Variants in MAGED1 observed in about 807,000 individuals in gnomAD.
The protein encoded by MAGED1 is melanoma-associated antigen D1.
MAGED1 carries 3 observed loss-of-function variants against 54.1 expected under a neutral mutation model. The ratio of observed to expected loss-of-function variants is 0.06; its 90% confidence interval spans 0.03 to 0.14. The LOEUF is 0.14. Among genes scored for constraint, MAGED1 ranks in the 10% least tolerant of loss-of-function variants. MAGED1 has a pLI of 1.00. For synonymous variants in MAGED1, 217 were observed against 227.3 expected, an observed-to-expected ratio of 0.95 and a Z score of 0.41; for missense variants, 485 against 623.4, an observed-to-expected ratio of 0.78 and a Z score of 2.36.
intron 1 of MAGED1, among the ~76,000 whole-genome samples, chrX:51,873,234 A>G (rs1217966729): frequency 1.8e-5 from 2 of 109,624 alleles, no homozygotes; most frequent in Non-Finnish European, 3.8e-5. Flanking sequence ...ATCAGATCTC[A>G]TGAGCACTCA....
chrX:51,831,374 G>A (rs1926059916), intron 1 of MAGED1, among the ~76,000 whole-genome samples: 1 of 111,949 alleles, frequency 8.9e-6, no homozygotes, highest in East Asian at 2.8e-4. Flanking sequence ...CACTTGGGGA[G>A]GCCAAGGCAG....
At position 51,896,701 on chromosome X, in the gene MAGED1, T is replaced by C; in HGVS notation, c.1046T>C (p.Ile349Thr). ...QNPVIWPNPV[I>T]WQNPVIWPNP... ...CCAGTGATTTGGCCAAACCCAGTAA[T>C]CTGGCAGAACCCAGTGATCTGGCCA... Residue 349 changes from isoleucine (I) to threonine (T), a missense_variant, in exon 4 of 13, where the codon ATC becomes ACC. Coordinates refer to ENST00000326587, the MANE Select transcript of MAGED1 (RefSeq NM_006986.4). 3 of 1,211,550 alleles carry C rather than the reference T, an allele frequency of 2.5e-6. No homozygotes were observed. Among genetic ancestry groups the C allele is most frequent in the Non-Finnish European group, 3.4e-6 (3 of 895,437 alleles).
chrX:51,838,045 G>T (rs1255016784), intron 1 of MAGED1, among the ~76,000 whole-genome samples: 1 of 112,323 alleles, frequency 8.9e-6, no homozygotes, highest in Non-Finnish European at 1.9e-5. Context: ...AGCCCTCTTA[G>T]CAGGTTGGTT....
At chrX:51,888,877 CAT>C (rs1928333282), upstream of MAGED1, among the ~76,000 whole-genome samples, 1 of 112,109 alleles carries the variant, frequency 8.9e-6, no homozygotes, top group Non-Finnish European at 1.9e-5. Flanking sequence ...CAAAATGTGA[CAT>C]ATTGTATGAT....
intron 1 of MAGED1, among the ~76,000 whole-genome samples, chrX:51,845,091 G>A (rs1028641380): frequency 1.8e-5 from 2 of 110,889 alleles, no homozygotes; most frequent in Admixed American, 1.9e-4. Flanking sequence ...AATTAGTTGG[G>A]CATGGTGGTG....
intron 1 of MAGED1, among the ~76,000 whole-genome samples, chrX:51,803,627 C>CTTTTT (rs1179676499): frequency 1.7e-5 from 1 of 60,464 alleles, no homozygotes; most frequent in Non-Finnish European, 3.1e-5. Context: ...AAGGTCAAGG[C>CTTTTT]TTTTTTTTTT....
intron 1 of MAGED1, among the ~76,000 whole-genome samples, chrX:51,830,695 A>G (rs1557357372): frequency 9.0e-6 from 1 of 110,982 alleles, no homozygotes; most frequent in Non-Finnish European, 1.9e-5. Flanking sequence ...GTACAGGTGT[A>G]AGGAGAGATG....
At chrX:51,828,461 T>G (rs1925938589) in intron 1 of MAGED1, among the ~76,000 whole-genome samples, 1 of 107,201 alleles carries the variant, frequency 9.3e-6, no homozygotes. Flanking sequence ...TGACATGTTG[T>G]TTTTTTTTTG....
intron 1 of MAGED1, among the ~76,000 whole-genome samples, chrX:51,838,565 A>T (rs1289663384): frequency 8.9e-6 from 1 of 112,604 alleles, no homozygotes; most frequent in African/African-American, 3.2e-5. Context: ...AAATTTTTTC[A>T]TAAAATCCAG....
intron 1 of MAGED1, among the ~76,000 whole-genome samples, chrX:51,836,425 T>C (rs1926251263): frequency 9.0e-6 from 1 of 111,242 alleles, no homozygotes; most frequent in Non-Finnish European, 1.9e-5. Context: ...TGGTGCTCAG[T>C]CTACGGAAAA....
chrX:51,897,943 A>C, intron 7 of MAGED1, 57 bp downstream of exon 7: 1 of 981,547 alleles, frequency 1.0e-6, no homozygotes, highest in Non-Finnish European at 1.4e-6. Context: ...TTTTTCTAGG[A>C]GTTTCACGTA....
At chrX:51,867,014 G>A (rs1927480157) in intron 1 of MAGED1, among the ~76,000 whole-genome samples, 1 of 111,792 alleles carries the variant, frequency 8.9e-6, no homozygotes, top group Admixed American at 9.5e-5. Context: ...TTCCTGACTA[G>A]GTTCAGAACC....
chrX:51,857,118 G>T (rs1235015723), intron 1 of MAGED1: 1 of 111,404 alleles, frequency 9.0e-6, no homozygotes, highest in Non-Finnish European at 1.9e-5. Context: ...TGAATATAAA[G>T]AAATTTTTAA....
rs1557364110 is a variant in MAGED1 at position 51,895,440 on chromosome X, G to A, written c.433G>A (p.Ala145Thr). ...GTTAGCTGCTAACAAGTCTGAGATGGCCTTCAAGGCCCAGAATGCCACTAC... is the reference window on the plus strand; with the variant it reads ...GTTAGCTGCTAACAAGTCTGAGATGACCTTCAAGGCCCAGAATGCCACTAC... Reference protein sequence around the residue: ...GELAANKSEMAFKAQNATTKV... With the variant: ...GELAANKSEMTFKAQNATTKV... The change falls in exon 3 of 13, where the codon GCC becomes ACC. Residue 145 changes from alanine to threonine, a missense_variant. Ala to Thr is a moderately conservative substitution (Grantham distance 58). Transcript: ENST00000326587. The A allele has an allele frequency of 1.7e-6, 2 of 1,205,567 alleles. No individual in the cohort carries two copies. The highest frequency in any genetic ancestry group is 2.2e-6 in the Non-Finnish European group (2 of 892,806).
chrX:51,822,415 C>CT (rs782756532), intron 1 of MAGED1, among the ~76,000 whole-genome samples: 8 of 110,383 alleles, frequency 7.2e-5, no homozygotes, highest in Admixed American at 9.7e-5. Flanking sequence ...GTCTTCTATC[C>CT]TTTTTCTTGT....
intron 1 of MAGED1, among the ~76,000 whole-genome samples, chrX:51,834,077 A>G (rs1557357720): frequency 8.9e-6 from 1 of 112,124 alleles, no homozygotes; most frequent in Admixed American, 9.4e-5. Context: ...ATTGTTCATC[A>G]TGGTATTTGT....
chrX:51,821,799 G>A (rs1287294475), intron 1 of MAGED1, among the ~76,000 whole-genome samples: 1 of 111,794 alleles, frequency 8.9e-6, no homozygotes, highest in Non-Finnish European at 1.9e-5. Flanking sequence ...TTTATGAAAA[G>A]TTATCGGGCT....
intron 1 of MAGED1, among the ~76,000 whole-genome samples, chrX:51,806,264 G>A (rs781935409): frequency 2.1e-4 from 23 of 111,140 alleles, no homozygotes; most frequent in African/African-American, 7.5e-4. Flanking sequence ...GAGCCACCGC[G>A]CCCGGCCAGC....
chrX:51,869,851 C>T (rs1927599782), intron 1 of MAGED1, among the ~76,000 whole-genome samples: 1 of 111,367 alleles, frequency 9.0e-6, no homozygotes, highest in South Asian at 3.8e-4. Flanking sequence ...GCCTGGGTGA[C>T]AGAGTGAGAC....
Sources: allele counts gnomAD v4.1 joint callset (sites outside exome capture counted in the v4.1 genomes callset), GRCh38; gene constraint gnomAD v4.1.1; transcripts MANE v1.5; gene names NCBI Gene and HGNC (gene_info 2026-07-23, HGNC 2026-07-21).